USP25: variants seen among roughly 807,000 people sequenced by gnomAD.
USP25 encodes the protein ubiquitin carboxyl-terminal hydrolase 25.
In USP25, 85 loss-of-function variants were observed where a neutral mutation model predicts 158.5. That is an observed-to-expected ratio of 0.54 (90% confidence interval 0.45 to 0.64). The LOEUF (loss-of-function observed/expected upper bound fraction) is 0.64, where lower values mean the gene tolerates loss of function less well. USP25 is among the 30% of genes least tolerant of loss of function. The pLI, the probability that USP25 is intolerant of heterozygous loss-of-function variation, is 0.00. For synonymous variants in USP25, 464 were observed against 460.4 expected (o/e 1.01, Z -0.10); for missense variants, 1,242 against 1,327.3 (o/e 0.94, Z 1.00).
chr21:15,843,136 A>C lies in USP25; in HGVS notation c.2337+596A>C, dbSNP rs1184453363. ...TCAACTACATCTTTTTATAGCGGTA[A>C]ATTGAGCATGTTTGGTGTTATACTG... is the stretch of plus-strand genomic sequence containing the variant. On this transcript the variant is annotated intron_variant, in intron 18 of 25. Transcript: ENST00000400183. This position sits in a 1 kb window ranked among gnomAD's most constrained non-coding sequence, Gnocchi z 4.0. Among the ~76,000 whole-genome samples the C allele has an allele frequency of 7.0e-6, 1 of 141,938 alleles. No individual in the cohort carries two copies. Among genetic ancestry groups the C allele is most frequent in the African/African-American group, 3.0e-5 (1 of 32,896 alleles). 93.1% of individuals were successfully genotyped at this position (141,938 alleles called of 152,430 possible). A position where few individuals can be genotyped will look rare whatever the true frequency, so the allele number is the denominator to read the frequency against.
Position 15,766,337 on chromosome 21 carries a change from T to C in USP25, c.268+196T>C, listed in dbSNP as rs1473357449. On this transcript the variant is annotated intron_variant, in intron 3 of 25. Coordinates refer to ENST00000400183, the MANE Select transcript of USP25 (RefSeq NM_001283041.3). This position sits in a 1 kb window ranked among gnomAD's most constrained non-coding sequence, Gnocchi z 4.0. The stretch of plus-strand genomic sequence containing the variant: ...TAAGGAAAAGATTTTATGTAAGTTA[T>C]ATAGTTTTTCATAGAGCATTTCATA... Among the ~76,000 whole-genome samples the C allele has an allele frequency of 1.3e-5, 2 of 152,078 alleles. No individual in the cohort carries two copies. The highest frequency in any genetic ancestry group is 2.4e-5 in the African/African-American group (1 of 41,438).
chr21:15,776,040 A>C (rs1275121855), intron 3 of USP25, among the ~76,000 whole-genome samples: 2 of 152,034 alleles, frequency 1.3e-5, no homozygotes, highest in African/African-American at 2.4e-5. Context: ...AGTTCTAGCC[A>C]TTTTAATAAC....
intron 2 of USP25, among the ~76,000 whole-genome samples, chr21:15,765,232 T>C (rs1473409089): frequency 2.0e-5 from 3 of 152,108 alleles, no homozygotes; most frequent in East Asian, 1.9e-4. Context: ...GTTAACTGTT[T>C]TAGAGCTAAC....
intron 23 of USP25, among the ~76,000 whole-genome samples, chr21:15,873,557 A>G (rs994274193): frequency 6.6e-6 from 1 of 151,432 alleles, no homozygotes; most frequent in Non-Finnish European, 1.5e-5. Context: ...GCTGGAGTGC[A>G]GTGGCGTGAT....
In USP25 at chr21:15,766,713, C is replaced by T. The variant is rs1271734002; in HGVS notation, c.268+572C>T. On this transcript the variant is annotated intron_variant, in intron 3 of 25. Transcript: ENST00000400183. This position sits in a 1 kb window ranked among gnomAD's most constrained non-coding sequence, Gnocchi z 4.0. ...TCTATGTGGGACTTAAGTTTTTCTT[C>T]ATAATATGAATACTTTATACTTATG... is the stretch of plus-strand genomic sequence containing the variant. Among the ~76,000 whole-genome samples, 5 of 151,990 alleles carry T rather than the reference C, an allele frequency of 3.3e-5. No individual in the cohort carries two copies. The highest frequency in any genetic ancestry group is 7.4e-5 in the Non-Finnish European group (5 of 67,924).
Position 15,879,592 on chromosome 21 carries a change from G to A in USP25, c.*1117G>A, listed in dbSNP as rs1467293272. 1 of 152,424 alleles carries A rather than the reference G, an allele frequency of 6.6e-6. No homozygotes were observed. Among genetic ancestry groups the A allele is most frequent in the Non-Finnish European group, 1.5e-5 (1 of 67,958 alleles). The allele number at this position is 152,424 out of a possible 1,614,324, so 9.4% of individuals were successfully genotyped here. On this transcript the variant is annotated 3_prime_UTR_variant, in exon 26 of 26. Coordinates refer to ENST00000400183, the MANE Select transcript of USP25 (RefSeq NM_001283041.3). ...TTTAAGATTAATGAATTAATATTGT[G>A]AATGAAAATCAAAATCCATACTTTA...
intron 8 of USP25, 38 bp downstream of exon 8, chr21:15,808,923 A>G (rs1291445743): frequency 7.2e-7 from 1 of 1,385,576 alleles, no homozygotes; most frequent in African/African-American, 1.4e-5. Flanking sequence ...GGTTTTAGGA[A>G]TTCATTAGAT....
At chr21:15,770,703 G>T (rs540141019) in intron 3 of USP25, among the ~76,000 whole-genome samples, 2 of 152,282 alleles carry the variant, frequency 1.3e-5, no homozygotes, top group South Asian at 4.1e-4. Context: ...TTGAAATTCA[G>T]TTTCTCAGTT....
intron 5 of USP25, among the ~76,000 whole-genome samples, chr21:15,796,681 G>A (rs898586205): frequency 2.0e-5 from 3 of 151,290 alleles, no homozygotes; most frequent in African/African-American, 7.3e-5. Context: ...GGATTAAGGC[G>A]ACCTGAGACT....
chr21:15,789,287 T>C (rs1253962674), intron 4 of USP25, among the ~76,000 whole-genome samples: 1 of 152,074 alleles, frequency 6.6e-6, no homozygotes, highest in African/African-American at 2.4e-5. Flanking sequence ...TCAAAAGACC[T>C]TCCTGGGGTT....
chr21:15,759,584 T>G (rs541367588), intron 1 of USP25, among the ~76,000 whole-genome samples: 1 of 152,200 alleles, frequency 6.6e-6, no homozygotes, highest in African/African-American at 2.4e-5. Context: ...GGTTGAGTTA[T>G]TATCAATAGA....
Position 15,820,530 on chromosome 21 carries a change from T to C in USP25, c.1080+1684T>C, listed in dbSNP as rs141638249. On this transcript the variant is annotated intron_variant, in intron 10 of 25. Coordinates refer to ENST00000400183, the MANE Select transcript of USP25 (RefSeq NM_001283041.3). ...ATCTCCACTACTGTGGCAAATTTGATTGCCTGTGATTCCTGCTACCATTTT... is the reference window on the plus strand; with the variant it reads ...ATCTCCACTACTGTGGCAAATTTGACTGCCTGTGATTCCTGCTACCATTTT... Among the ~76,000 whole-genome samples the C allele has an allele frequency of 4.3e-4, 65 of 152,102 alleles. No individual in the cohort carries two copies. In the East Asian group the frequency reaches 0.01, roughly 24 times the overall value.
intron 14 of USP25, 62 bp downstream of exon 14, chr21:15,827,265 T>G (rs2037557280): frequency 1.4e-5 from 19 of 1,317,756 alleles, no homozygotes; most frequent in Admixed American, 9.4e-5. Flanking sequence ...ATGTTAATAT[T>G]GAGAAGGGAA....
At chr21:15,869,549 C>T (rs546650847) in intron 22 of USP25, among the ~76,000 whole-genome samples, 42 of 152,180 alleles carry the variant, frequency 2.8e-4, no homozygotes, top group Middle Eastern at 3.4e-3. Flanking sequence ...TTTACCATAT[C>T]TCATGTAAAT....
intron 5 of USP25, among the ~76,000 whole-genome samples, chr21:15,792,841 T>A (rs904170215): frequency 6.6e-6 from 1 of 151,664 alleles, no homozygotes; most frequent in African/African-American, 2.4e-5. Context: ...TGCTATGTTA[T>A]TGGCTTTCCC....
chr21:15,869,964 T>C (rs1322935434), intron 22 of USP25, 104 bp from the exon 23 acceptor site: 2 of 788,918 alleles, frequency 2.5e-6, no homozygotes, highest in East Asian at 2.8e-5. Flanking sequence ...TCTTTATTTC[T>C]ATTAATTCAG....
At chr21:15,784,929 AT>A (rs934090032) in intron 4 of USP25, among the ~76,000 whole-genome samples, 62 of 152,182 alleles carry the variant, frequency 4.1e-4, no homozygotes, top group African/African-American at 1.1e-3. Flanking sequence ...ATGTAAGTGG[AT>A]TAAATTCCCC....
At chr21:15,763,367 C>T (rs964374206) in intron 2 of USP25, among the ~76,000 whole-genome samples, 9 of 152,078 alleles carry the variant, frequency 5.9e-5, no homozygotes, top group Non-Finnish European at 1.3e-4. Flanking sequence ...AGTCTGAAAA[C>T]TTACATTTTT....
intron 14 of USP25, 30 bp downstream of exon 14, chr21:15,827,233 T>G (rs754908382): frequency 1.3e-6 from 2 of 1,534,418 alleles, no homozygotes; most frequent in Non-Finnish European, 1.8e-6. Context: ...ATGGTTACTG[T>G]CACCTCAGAT....
Sources: gnomAD v4.1 joint callset for allele counts (sites outside exome capture counted in the v4.1 genomes callset) on GRCh38, gnomAD v4.1.1 for gene constraint, Gnocchi (gnomAD v3.1) non-coding constraint, MANE v1.5 for transcripts, NCBI Gene and HGNC (gene_info 2026-07-23, HGNC 2026-07-21) for gene names.